Variants in DCTN5 observed in about 807,000 individuals in gnomAD.
DCTN5 encodes dynactin 4.
Under a neutral mutation model 23.5 loss-of-function variants are expected in DCTN5, and 14 were observed. The observed-to-expected ratio is 0.60, with a 90% CI of 0.39 to 0.93. The LOEUF (loss-of-function observed/expected upper bound fraction) is 0.93, where lower values mean the gene tolerates loss of function less well. Among genes scored for constraint, DCTN5 ranks in the 40% least tolerant of loss-of-function variants. DCTN5 has a pLI of 0.00. For synonymous variants in DCTN5, 67 were observed against 79.6 expected, an observed-to-expected ratio of 0.84 and a Z score of 0.84; for missense variants, 156 against 225.9, an observed-to-expected ratio of 0.69 and a Z score of 1.98.
chr16:23,649,937 G>C (rs908688399), intron 2 of DCTN5, among the ~76,000 whole-genome samples: 1 of 151,766 alleles, frequency 6.6e-6, no homozygotes, highest in South Asian at 2.1e-4. Flanking sequence ...TGTTTTCCCA[G>C]CACCATTTAT....
chr16:23,642,919 G>A, intron 1 of DCTN5, 36 bp from the exon 2 acceptor site: 6 of 1,596,098 alleles, frequency 3.8e-6, no homozygotes, highest in Non-Finnish European at 5.2e-6. Flanking sequence ...AACCTATTAA[G>A]TTTGCTTTCC....
rs2140984949 is a variant in DCTN5, at chr16:23,661,240, C to T, written c.307C>T (p.Gln103Ter). The T allele has an allele frequency of 1.2e-6, 2 of 1,613,082 alleles. No homozygotes were observed. Among genetic ancestry groups the T allele is most frequent in the East Asian group, 4.5e-5 (2 of 44,860 alleles). Residue 103 changes from glutamine (Q) to a stop codon, truncating the protein, a stop_gained, in exon 4 of 6, where the codon CAG (glutamine) becomes TAG (stop). Transcript: ENST00000300087. LOFTEE classifies it high-confidence loss of function. The stretch of plus-strand genomic sequence containing the variant: ...GGAAGATTGTGTGGTCAACGCAGCA[C>T]AGATTGGTTCCTATGTTCATGTTGG... Reference protein sequence around the residue: ...IEEDCVVNAAQIGSYVHVGKN... With the variant: ...IEEDCVVNAA
At chr16:23,648,302 G>A (rs8063671) in intron 2 of DCTN5, among the ~76,000 whole-genome samples, 9,375 of 150,424 alleles carry the variant, frequency 0.062, 611 homozygotes, top group African/African-American at 0.16. Flanking sequence ...CTTATGCTAC[G>A]GGCATGCACC....
At position 23,673,542 on chromosome 16, in the gene DCTN5, C is replaced by G. The variant is rs2140993842; in HGVS notation, c.*6398C>G. On this transcript the variant is annotated 3_prime_UTR_variant, in exon 6 of 6. Transcript: ENST00000300087. ...TCATTGCTTAAAAAACATACCTTAGCTGGACGCAGTGGCGTGCGCCTGTAG... is the reference window on the plus strand; with the variant it reads ...TCATTGCTTAAAAAACATACCTTAGGTGGACGCAGTGGCGTGCGCCTGTAG... 1 of 152,354 alleles carries G rather than the reference C, an allele frequency of 6.6e-6. No homozygotes were observed. Among genetic ancestry groups the G allele is most frequent in the South Asian group, 2.1e-4 (1 of 4,832 alleles). The allele number at this position is 152,354 out of a possible 1,614,324, so 9.4% of individuals were successfully genotyped here. A position where few individuals can be genotyped will look rare whatever the true frequency, so the allele number is the denominator to read the frequency against.
chr16:23,646,895 G>A (rs1263643536), intron 2 of DCTN5, among the ~76,000 whole-genome samples: 1 of 152,036 alleles, frequency 6.6e-6, no homozygotes, highest in East Asian at 1.9e-4. Flanking sequence ...TTTTTATATG[G>A]TTTGAGGTAG....
At chr16:23,653,039 A>T (rs771275676) in intron 2 of DCTN5, among the ~76,000 whole-genome samples, 29 of 152,056 alleles carry the variant, frequency 1.9e-4, no homozygotes, top group Non-Finnish European at 3.7e-4. Context: ...CTGCTTGGGA[A>T]GCTGAGCAGG....
chr16:23,648,727 A>T (rs548458290), intron 2 of DCTN5, among the ~76,000 whole-genome samples: 2 of 152,244 alleles, frequency 1.3e-5, no homozygotes, highest in East Asian at 3.9e-4. Context: ...CCAACAGTGT[A>T]TAAGAGTTTC....
At chr16:23,641,928 T>TC (rs1967279568) in intron 1 of DCTN5, among the ~76,000 whole-genome samples, 1 of 152,016 alleles carries the variant, frequency 6.6e-6, no homozygotes, top group Non-Finnish European at 1.5e-5. Context: ...ACGATTCGGT[T>TC]CTTTTTTTTT....
chr16:23,661,273 T>C lies in DCTN5; in HGVS notation c.340T>C (p.Cys114Arg), dbSNP rs1967805420. ...IGSYVHVGKN[C>R]VIGRRCVLKD... ...TTCCTATGTTCATGTTGGGAAGAAC[T>C]GTGTGATTGTGAGTATGATGACTTG... Residue 114 changes from cysteine to arginine, a missense_variant, in exon 4 of 6, where the codon TGT becomes CGT. Transcript: ENST00000300087. 6.2e-7 allele frequency: 1 copy of C among 1,608,396 alleles called. No homozygotes were observed. Among genetic ancestry groups the C allele is most frequent in the Non-Finnish European group, 8.5e-7 (1 of 1,177,112 alleles).
intron 3 of DCTN5, among the ~76,000 whole-genome samples, chr16:23,659,219 C>T (rs542161490): frequency 1.3e-5 from 2 of 152,174 alleles, no homozygotes; most frequent in African/African-American, 4.8e-5. Flanking sequence ...TATCCCTGAT[C>T]TGAACGACTT....
At chr16:23,665,831 G>C in intron 5 of DCTN5, 103 bp downstream of exon 5, 1 of 929,494 alleles carries the variant, frequency 1.1e-6, no homozygotes, top group South Asian at 1.6e-5. Flanking sequence ...GCAATATGTT[G>C]ATAGAGCTAA....
chr16:23,648,182 G>A, intron 2 of DCTN5, among the ~76,000 whole-genome samples: 1 of 151,524 alleles, frequency 6.6e-6, no homozygotes, highest in East Asian at 1.9e-4. Flanking sequence ...TTGAGACAGG[G>A]TCTCACTTTG....
chr16:23,661,754 A>AT lies in DCTN5; in HGVS notation c.348+473_348+474insT, dbSNP rs1319959183. ...AATAAATAAATAAATAAATAAATAA[A>AT]AAGATTTGGAATATTTTCTAGACAT... On this transcript the variant is annotated intron_variant, in intron 4 of 5. Transcript: ENST00000300087. Among the ~76,000 whole-genome samples, 220 of 151,896 alleles carry AT rather than the reference A, an allele frequency of 1.4e-3. 2 individuals carry two copies. Among genetic ancestry groups the AT allele is most frequent in the African/African-American group, 4.4e-3 (183 of 41,458 alleles).
At chr16:23,650,988 A>G in intron 2 of DCTN5, 1 of 1,394,964 alleles carries the variant, frequency 7.2e-7, no homozygotes. Flanking sequence ...TTTCAAAAGC[A>G]ACTGGAAATC....
At chr16:23,666,847 T>G in intron 5 of DCTN5, 200 bp from the exon 6 acceptor site, 3 of 735,302 alleles carry the variant, frequency 4.1e-6, no homozygotes, top group South Asian at 4.3e-5. Context: ...GACTTTTGTT[T>G]AGTAATTTCT....
chr16:23,653,855 A>G (rs1310330741), intron 2 of DCTN5, among the ~76,000 whole-genome samples: 1 of 152,258 alleles, frequency 6.6e-6, no homozygotes, highest in Non-Finnish European at 1.5e-5. Context: ...ATTTACAAGT[A>G]GAAAACAACC....
In DCTN5 at chr16:23,641,628, C is replaced by A. The variant is rs757882153; in HGVS notation, c.48+38C>A. ...AGATATGTATCCTCCTCTTTCCAAC[C>A]CTGCGTCCCTTTGAGGCCTGGTCGG... On this transcript the variant is annotated intron_variant, in intron 1 of 5. Coordinates refer to ENST00000300087, the MANE Select transcript of DCTN5 (RefSeq NM_032486.4). 2.5e-6 allele frequency: 4 copies of A among 1,612,086 alleles called. No individual in the cohort carries two copies. The East Asian group carries it at 8.9e-5, about 36-fold the overall frequency.
chr16:23,649,675 TTAC>T (rs796184763), intron 2 of DCTN5, among the ~76,000 whole-genome samples: 3 of 152,008 alleles, frequency 2.0e-5, no homozygotes, highest in African/African-American at 7.2e-5. Context: ...AAACCCATCT[TTAC>T]TAAAAATAGA....
rs1455339321 is a variant in DCTN5, at chr16:23,668,423, A to T, written c.*1279A>T. On this transcript the variant is annotated 3_prime_UTR_variant, in exon 6 of 6. Transcript: ENST00000300087. ...TTTATACATAAAACCACCAAAATAC[A>T]TAGCTTCGACAAGATGGAAGTTTAT... 6.6e-6 allele frequency: 1 copy of T among 152,264 alleles called. No homozygotes were observed. The highest frequency in any genetic ancestry group is 2.4e-5 in the African/African-American group (1 of 41,472). The allele number at this position is 152,264 out of a possible 1,614,324, so 9.4% of individuals were successfully genotyped here. A position where few individuals can be genotyped will look rare whatever the true frequency, so the allele number is the denominator to read the frequency against.
Sources: allele counts gnomAD v4.1 joint callset (sites outside exome capture counted in the v4.1 genomes callset), GRCh38; gene constraint gnomAD v4.1.1; transcripts MANE v1.5; gene names NCBI Gene and HGNC (gene_info 2026-07-23, HGNC 2026-07-21).